Variants in RFX1 observed in about 807,000 individuals in gnomAD.
RFX1 encodes the protein MHC class II regulatory factor RFX1.
Under a neutral mutation model 119.6 loss-of-function variants are expected in RFX1, and 42 were observed. The ratio of observed to expected loss-of-function variants is 0.35; its 90% CI spans 0.27 to 0.45. The LOEUF (loss-of-function observed/expected upper bound fraction) is 0.45, where lower values mean the gene tolerates loss of function less well. Among genes scored for constraint, RFX1 ranks in the 20% least tolerant of loss-of-function variants. The pLI is 1.00. For synonymous variants in RFX1, 628 were observed against 618.5 expected, an observed-to-expected ratio of 1.02 and a Z score of -0.23; for missense variants, 1,118 against 1,368.1, an observed-to-expected ratio of 0.82 and a Z score of 2.88.
chr19:13,982,199 C>G lies in RFX1; in HGVS notation c.543G>C (p.Gln181His). ...CACCTTTGCTGCCTGGGGCTGCGCT[C>G]TGCACCACCAGACGCTGCGTGGGAA... ...QALPTQRLVVQSAAPGSKGGQ... is the reference protein window; with the variant it reads ...QALPTQRLVVHSAAPGSKGGQ... The change falls in exon 5 of 21, where the codon CAG becomes CAC. Residue 181 changes from glutamine (Q) to histidine (H), a missense_variant. Coordinates refer to ENST00000254325, the MANE Select transcript of RFX1 (RefSeq NM_002918.5). The G allele has an allele frequency of 2.3e-6, 3 of 1,310,922 alleles. No homozygotes were observed. The African/African-American group carries it at 4.6e-5, about 20-fold the overall frequency. The allele number at this position is 1,310,922 out of a possible 1,614,324, so 81.2% of individuals were successfully genotyped here.
Position 13,962,544 on chromosome 19 carries a change from CA to C in RFX1, c.*150del, listed in dbSNP as rs1973724989. ...CCCAGCCCACTGATTGTGCCGGCCC[CA>C]TAAGGGAGGAGGGCCCCGGTCTTCC... On this transcript the variant is annotated 3_prime_UTR_variant, in exon 21 of 21. Coordinates refer to ENST00000254325, the MANE Select transcript of RFX1 (RefSeq NM_002918.5). 1.1e-5 allele frequency: 7 copies of C among 636,514 alleles called. No individual in the cohort carries two copies. The South Asian group carries it at 1.4e-4, about 13-fold the overall frequency. The allele number at this position is 636,514 out of a possible 1,614,324, so 39.4% of individuals were successfully genotyped here.
rs758746241 is a variant in RFX1 at position 13,976,704 on chromosome 19, C to T, written c.929+1288G>A. ...AATGTCCTGCGTCTATTTCTGACCA[C>T]AGAAAGCGGGTAGAGGCTGGGCACT... On this transcript the variant is annotated intron_variant, in intron 8 of 20. Transcript: ENST00000254325. 4.5e-4 allele frequency among the ~76,000 whole-genome samples: 69 copies of T among 152,326 alleles called. 1 individual carries two copies. The highest frequency in any genetic ancestry group is 3.3e-3 in the Admixed American group (51 of 15,290).
In RFX1 at chr19:13,980,731, T is replaced by TGCATCCTCTCTGGGGTGGGCAC; in HGVS notation, c.622-43_622-42insGTGCCCACCCCAGAGAGGATGC. 1 of 1,201,556 alleles carries TGCATCCTCTCTGGGGTGGGCAC rather than the reference T, an allele frequency of 8.3e-7. No homozygotes were observed. Among genetic ancestry groups the TGCATCCTCTCTGGGGTGGGCAC allele is most frequent in the Non-Finnish European group, 1.2e-6 (1 of 842,378 alleles). The allele number at this position is 1,201,556 out of a possible 1,614,324, so 74.4% of individuals were successfully genotyped here. ...CACAGGAGTGCCGCTGGGGTGGGCT[T>TGCATCCTCTCTGGGGTGGGCAC]GCATCCTCTCTGAGGTGGGCTCACA... On this transcript the variant is annotated intron_variant, in intron 5 of 20. Transcript: ENST00000254325. This position sits in a 1 kb window ranked among gnomAD's most constrained non-coding sequence, Gnocchi z 5.1.
chr19:14,005,874 G>T (rs1025575897), intron 1 of RFX1, among the ~76,000 whole-genome samples: 3 of 149,324 alleles, frequency 2.0e-5, no homozygotes, highest in Admixed American at 6.6e-5. Flanking sequence ...ACCTCCACTC[G>T]CCGCGGGCCT....
chr19:14,005,847 C>G (rs897085820), intron 1 of RFX1, among the ~76,000 whole-genome samples: 3 of 151,904 alleles, frequency 2.0e-5, no homozygotes, highest in African/African-American at 7.2e-5. Flanking sequence ...ATAAAAGCCC[C>G]CCGCCCCGGC....
chr19:13,963,718 T>C lies in RFX1; in HGVS notation c.2390A>G (p.Glu797Gly), dbSNP rs1973796768. 1.2e-6 allele frequency: 2 copies of C among 1,600,372 alleles called. No individual in the cohort carries two copies. The highest frequency in any genetic ancestry group is 2.2e-5 in the East Asian group (1 of 44,454). ...CTCCAGCCGCTGCACCACGCGGTCC[T>C]CGCAGCGGCACACCCACGAGGCCTG... ...QEQASWVCRC[E>G]DRVVQRLEQD... The change falls in exon 18 of 21, where the codon GAG (glutamate) becomes GGG (glycine). Residue 797 changes from glutamate to glycine, a missense_variant. Glu to Gly is a moderately conservative substitution (Grantham distance 98). Around this residue, in one of 5 missense-constraint regions of RFX1, gnomAD observed 68 missense variants for 67.2 expected, o/e 1.01. Coordinates refer to ENST00000254325, the MANE Select transcript of RFX1 (RefSeq NM_002918.5).
chr19:14,000,516 G>A (rs1227916803), intron 1 of RFX1, among the ~76,000 whole-genome samples: 2 of 152,088 alleles, frequency 1.3e-5, no homozygotes, highest in Non-Finnish European at 2.9e-5. Context: ...ATCTCCTAAT[G>A]ACTGGGCGCA....
chr19:13,967,983 G>T (rs1973958349), intron 12 of RFX1, among the ~76,000 whole-genome samples: 1 of 152,114 alleles, frequency 6.6e-6, no homozygotes, highest in Non-Finnish European at 1.5e-5. Context: ...GCCGGGCATG[G>T]TGGCTCATGC....
chr19:13,988,821 GA>G lies in RFX1; in HGVS notation c.319+4703del, dbSNP rs796705585. Among the ~76,000 whole-genome samples, 3 of 152,062 alleles carry G rather than the reference GA, an allele frequency of 2.0e-5. No homozygotes were observed. The South Asian group carries it at 6.2e-4, about 32-fold the overall frequency. The stretch of plus-strand genomic sequence containing the variant: ...AGATTACTTGAGGTAAGAAGTTTGA[GA>G]CCAGCCTGGCCAACATGGCAAAACG... On this transcript the variant is annotated intron_variant, in intron 2 of 20. Transcript: ENST00000254325.
Position 13,963,275 on chromosome 19 carries a change from G to A in RFX1, c.2571C>T (p.Ser857=). The change falls in exon 19 of 21, where the codon AGC becomes AGT. Residue 857 remains serine (S), a splice_region_variant and synonymous_variant. Coordinates refer to ENST00000254325, the MANE Select transcript of RFX1 (RefSeq NM_002918.5). ...KLFLLKWSFY[S]SMVIRDLTLR... is the part of the protein sequence containing the mutation. ...GGGTCAGGTCCCGGATCACCATGGA[G>A]CTGGGGATGGAGACGGAGAGGAGAC... 5 of 1,608,340 alleles carry A rather than the reference G, an allele frequency of 3.1e-6. No individual in the cohort carries two copies. The highest frequency in any genetic ancestry group is 4.2e-6 in the Non-Finnish European group (5 of 1,178,852).
At chr19:13,963,811 C>G (rs561564809) in intron 17 of RFX1, 47 bp downstream of exon 17, 20 of 1,498,572 alleles carry the variant, frequency 1.3e-5, no homozygotes, top group Non-Finnish European at 1.5e-5. Flanking sequence ...TGGCCCGCCC[C>G]GTTAGGCTGC....
Position 13,982,217 on chromosome 19 carries a change from C to A in RFX1, c.525G>T (p.Thr175=), listed in dbSNP as rs138345093. 7.0e-5 allele frequency: 92 copies of A among 1,306,042 alleles called. No individual in the cohort carries two copies. The highest frequency in any genetic ancestry group is 6.2e-5 in the Admixed American group (2 of 32,450). The allele number at this position is 1,306,042 out of a possible 1,614,324, so 80.9% of individuals were successfully genotyped here. Residue 175 remains threonine, a synonymous_variant, in exon 5 of 21, where the codon ACG becomes ACT. Coordinates refer to ENST00000254325, the MANE Select transcript of RFX1 (RefSeq NM_002918.5). ...NIQVPQQALP[T]QRLVVQSAAP... Reference sequence around the variant, plus strand: ...CTGCGCTCTGCACCACCAGACGCTGCGTGGGAAGAGCCTGGGGCCAGGGAG... The same window carrying A: ...CTGCGCTCTGCACCACCAGACGCTGAGTGGGAAGAGCCTGGGGCCAGGGAG...
In RFX1 at chr19:13,969,688, G is replaced by A. The variant is rs1025431102; in HGVS notation, c.1496+306C>T. On this transcript the variant is annotated intron_variant, in intron 10 of 20. Coordinates refer to ENST00000254325, the MANE Select transcript of RFX1 (RefSeq NM_002918.5). The surrounding 1 kb of genome is among the most constrained non-coding windows in gnomAD (Gnocchi z 4.5). Reference sequence around the variant, plus strand: ...AAAAAAAAAAAAGTCACGTGTGAGCGTGCTGAATGCTAAAGAGAAAAATAA... The same window carrying A: ...AAAAAAAAAAAAGTCACGTGTGAGCATGCTGAATGCTAAAGAGAAAAATAA... 5.2e-5 allele frequency: 16 copies of A among 309,020 alleles called. No individual in the cohort carries two copies. Among genetic ancestry groups the A allele is most frequent in the East Asian group, 1.1e-4 (2 of 18,498 alleles). The allele number at this position is 309,020 out of a possible 1,614,324, so 19.1% of individuals were successfully genotyped here.
rs766107840 is a variant in RFX1, at chr19:13,966,513, C to T, written c.1869G>A (p.Met623Ile). The change falls in exon 14 of 21, where the codon ATG (methionine) becomes ATA (isoleucine). Residue 623 changes from methionine (M) to isoleucine (I), a missense_variant. This residue lies in a region of RFX1 where 338 missense variants were observed against 508.9 expected (regional missense o/e 0.66). Coordinates refer to ENST00000254325, the MANE Select transcript of RFX1 (RefSeq NM_002918.5). The surrounding 1 kb of genome is among the most constrained non-coding windows in gnomAD (Gnocchi z 6.3). ...REHCEAIVDV[M>I]VNLQFTLVET... is the part of the protein sequence containing the mutation. Reference sequence around the variant, plus strand: ...CCACCAGGGTGAACTGCAGGTTCACCATGACGTCGACAATGGCCTGTGGCA... The same window carrying T: ...CCACCAGGGTGAACTGCAGGTTCACTATGACGTCGACAATGGCCTGTGGCA... 5.7e-6 allele frequency: 9 copies of T among 1,577,770 alleles called. No individual in the cohort carries two copies. Among genetic ancestry groups the T allele is most frequent in the Non-Finnish European group, 7.8e-6 (9 of 1,158,262 alleles).
rs962650520 is a variant in RFX1, at chr19:13,985,765, G to A, written c.320-2170C>T. 1.3e-5 allele frequency among the ~76,000 whole-genome samples: 2 copies of A among 152,174 alleles called. No homozygotes were observed. The highest frequency in any genetic ancestry group is 1.9e-4 in the East Asian group (1 of 5,194). On this transcript the variant is annotated intron_variant, in intron 2 of 20. Transcript: ENST00000254325. This position sits in a 1 kb window ranked among gnomAD's most constrained non-coding sequence, Gnocchi z 4.3. ...GTCTGAAGTATCCAGACTGGGTCTC[G>A]GCTGTCCAGGCAGGGCACAGGAGGG... is the stretch of plus-strand genomic sequence containing the variant.
chr19:13,989,775 G>A (rs902859542), intron 2 of RFX1, among the ~76,000 whole-genome samples: 9 of 152,142 alleles, frequency 5.9e-5, no homozygotes, highest in Non-Finnish European at 8.8e-5. Flanking sequence ...ATGGACAGTT[G>A]TGAACCTGCT....
chr19:13,985,737 A>T lies in RFX1; in HGVS notation c.320-2142T>A, dbSNP rs767368806. On this transcript the variant is annotated intron_variant, in intron 2 of 20. Transcript: ENST00000254325. The surrounding 1 kb of genome is among the most constrained non-coding windows in gnomAD (Gnocchi z 4.3). ...AGCTGGGGGTCTACGGGGACCCCTC[A>T]AAGTCTGAAGTATCCAGACTGGGTC... Among the ~76,000 whole-genome samples the T allele has an allele frequency of 5.9e-5, 9 of 152,212 alleles. No homozygotes were observed. The highest frequency in any genetic ancestry group is 2.2e-4 in the African/African-American group (9 of 41,460).
intron 8 of RFX1, among the ~76,000 whole-genome samples, chr19:13,977,390 A>G (rs930492402): frequency 1.3e-5 from 2 of 152,048 alleles, no homozygotes; most frequent in African/African-American, 4.8e-5. Flanking sequence ...AGGTCACAGC[A>G]TCCTCTCTGG....
rs1974017167 is a variant in RFX1 at position 13,969,817 on chromosome 19, G to A, written c.1496+177C>T. 1.8e-6 allele frequency: 1 copy of A among 567,846 alleles called. No individual in the cohort carries two copies. The highest frequency in any genetic ancestry group is 3.0e-6 in the Non-Finnish European group (1 of 330,198). The allele number at this position is 567,846 out of a possible 1,614,324, so 35.2% of individuals were successfully genotyped here. A position where few individuals can be genotyped will look rare whatever the true frequency, so the allele number is the denominator to read the frequency against. On this transcript the variant is annotated intron_variant, in intron 10 of 20. Transcript: ENST00000254325. This position sits in a 1 kb window ranked among gnomAD's most constrained non-coding sequence, Gnocchi z 4.5. Reference sequence around the variant, plus strand: ...AGGAGGGGTGAGAAGCACATGAGGTGGAAGGCACCGCCAGTGCAAAGGCCT... The same window carrying A: ...AGGAGGGGTGAGAAGCACATGAGGTAGAAGGCACCGCCAGTGCAAAGGCCT...
Sources: gnomAD v4.1 joint callset for allele counts (sites outside exome capture counted in the v4.1 genomes callset) on GRCh38, gnomAD v4.1.1 for gene constraint, gnomAD v4.1.1 regional missense constraint, Gnocchi (gnomAD v3.1) non-coding constraint, MANE v1.5 for transcripts, NCBI Gene and HGNC (gene_info 2026-07-23, HGNC 2026-07-21) for gene names.